Variants in IQSEC3 observed in about 807,000 individuals in gnomAD.
The protein encoded by IQSEC3 is IQ motif and Sec7 domain ArfGEF 3.
Under a neutral mutation model 105.4 loss-of-function variants are expected in IQSEC3, and 50 were observed. That is an observed-to-expected ratio of 0.47 (90% CI 0.38 to 0.60). The LOEUF is 0.60. Among genes scored for constraint, IQSEC3 ranks in the 20% least tolerant of loss-of-function variants. The probability of loss-of-function intolerance (pLI) is 0.00; values close to 1 mark genes in which losing one functional copy is unlikely to be tolerated. For missense variants in IQSEC3, 1,415 were observed against 1,630.0 expected (o/e 0.87, Z 2.27); for synonymous variants, 708 against 746.0 (o/e 0.95, Z 0.83).
At chr12:118,764 G>A (rs781379565) in intron 2 of IQSEC3, among the ~76,000 whole-genome samples, 1 of 152,174 alleles carries the variant, frequency 6.6e-6, no homozygotes, top group Non-Finnish European at 1.5e-5. Flanking sequence ...GCCGGGCCTC[G>A]GTCAGCACCT....
At chr12:78,186 G>C (rs1440072893) in intron 1 of IQSEC3, among the ~76,000 whole-genome samples, 3 of 150,914 alleles carry the variant, frequency 2.0e-5, no homozygotes, top group Non-Finnish European at 4.4e-5. Flanking sequence ...CCGGCGCAGG[G>C]CGCCGCCTCC....
chr12:135,917 C>A (rs1865749378), intron 3 of IQSEC3, among the ~76,000 whole-genome samples: 1 of 152,234 alleles, frequency 6.6e-6, no homozygotes, highest in South Asian at 2.1e-4. Flanking sequence ...GAGCAGATAA[C>A]CCAGATGAGC....
chr12:116,421 C>T (rs1406985332), intron 2 of IQSEC3, among the ~76,000 whole-genome samples: 4 of 152,190 alleles, frequency 2.6e-5, no homozygotes, highest in Admixed American at 6.5e-5. Context: ...AGTACCCTCT[C>T]CCAGCATCCC....
rs1939278231 is a variant in IQSEC3, at chr12:177,606, C to A, written c.*2573C>A. On this transcript the variant is annotated 3_prime_UTR_variant, in exon 14 of 14. Transcript: ENST00000538872. This position sits in a 1 kb window ranked among gnomAD's most constrained non-coding sequence, Gnocchi z 5.3. ...AGTATTCCGTGGAGCCAGTCCTGAGCTGGGAGGGGCATTTAACACCCCTGA... is the reference window on the plus strand; with the variant it reads ...AGTATTCCGTGGAGCCAGTCCTGAGATGGGAGGGGCATTTAACACCCCTGA... 1 of 152,306 alleles carries A rather than the reference C, an allele frequency of 6.6e-6. No homozygotes were observed. Among genetic ancestry groups the A allele is most frequent in the Non-Finnish European group, 1.5e-5 (1 of 68,146 alleles). 9.4% of individuals were successfully genotyped at this position (152,306 alleles called of 1,614,324 possible). A position where few individuals can be genotyped will look rare whatever the true frequency, so the allele number is the denominator to read the frequency against.
intron 2 of IQSEC3, 151 bp from the exon 3 acceptor site, chr12:125,482 C>T (rs1466306999): frequency 1.4e-6 from 1 of 736,124 alleles, no homozygotes; most frequent in Non-Finnish European, 2.0e-6. Flanking sequence ...CATGGTAGCC[C>T]CTCCCTAGAG....
chr12:131,682 T>C (rs1865606144), intron 3 of IQSEC3, among the ~76,000 whole-genome samples: 1 of 152,036 alleles, frequency 6.6e-6, no homozygotes, highest in East Asian at 1.9e-4. Flanking sequence ...ATGTCTTGCC[T>C]GTGATGGACA....
At chr12:165,938 A>G in intron 11 of IQSEC3, 48 bp downstream of exon 11, 1 of 1,597,516 alleles carries the variant, frequency 6.3e-7, no homozygotes, top group South Asian at 1.1e-5. Context: ...CCCATTCAGC[A>G]AGGGACAGGG....
intron 1 of IQSEC3, among the ~76,000 whole-genome samples, chr12:71,000 C>A (rs1591620203): frequency 1.3e-5 from 2 of 152,392 alleles, no homozygotes; most frequent in Non-Finnish European, 2.9e-5. Flanking sequence ...TCTCTCCCAT[C>A]TTCTCTTCCT....
chr12:170,024 C>G (rs1350062256), intron 12 of IQSEC3, among the ~76,000 whole-genome samples: 1 of 152,238 alleles, frequency 6.6e-6, no homozygotes, highest in Admixed American at 6.5e-5. Context: ...GCCCTGAGTC[C>G]TGACTTGGAA....
At chr12:125,209 T>A (rs73036114) in intron 2 of IQSEC3, among the ~76,000 whole-genome samples, 39,182 of 152,074 alleles carry the variant, frequency 0.26, 5,847 homozygotes, top group Non-Finnish European at 0.33. Flanking sequence ...CTTAAAGAGT[T>A]GTAAGTAACT....
intron 9 of IQSEC3, among the ~76,000 whole-genome samples, chr12:163,959 C>G (rs1221176038): frequency 6.6e-6 from 1 of 152,162 alleles, no homozygotes; most frequent in Non-Finnish European, 1.5e-5. Context: ...TGCCTCAGAC[C>G]CCAGGGCCTG....
In IQSEC3 at chr12:138,177, G is replaced by A. The variant is rs1324896635; in HGVS notation, c.904-90G>A. ...CCCCGTCCATTCCTGGGCCCCACCC[G>A]AGTGTGGCCGGGTGACTCCACCACT... On this transcript the variant is annotated intron_variant, in intron 3 of 13. Coordinates refer to ENST00000538872, the MANE Select transcript of IQSEC3 (RefSeq NM_001170738.2). This position sits in a 1 kb window ranked among gnomAD's most constrained non-coding sequence, Gnocchi z 7.1. The A allele has an allele frequency of 7.2e-6, 8 of 1,105,350 alleles. No homozygotes were observed. The highest frequency in any genetic ancestry group is 2.5e-5 in the East Asian group (1 of 39,458). The allele number at this position is 1,105,350 out of a possible 1,614,324, so 68.5% of individuals were successfully genotyped here. A position where few individuals can be genotyped will look rare whatever the true frequency, so the allele number is the denominator to read the frequency against.
intron 1 of IQSEC3, among the ~76,000 whole-genome samples, chr12:87,120 G>A (rs78532279): frequency 1.3e-3 from 203 of 152,214 alleles, no homozygotes; most frequent in African/African-American, 4.7e-3. Flanking sequence ...TCAGAAATCT[G>A]TAGTTTTGGC....
At chr12:156,486 G>A (rs2137038299) in intron 5 of IQSEC3, among the ~76,000 whole-genome samples, 1 of 152,036 alleles carries the variant, frequency 6.6e-6, no homozygotes, top group Admixed American at 6.5e-5. Flanking sequence ...CAGCTGTGGG[G>A]AGCTGGGGCA....
At chr12:108,694 C>A (rs1477955860) in intron 2 of IQSEC3, among the ~76,000 whole-genome samples, 4 of 152,246 alleles carry the variant, frequency 2.6e-5, no homozygotes, top group Non-Finnish European at 5.9e-5. Context: ...CTTGAGGAGG[C>A]AAGGGGCTGA....
At position 145,123 on chromosome 12, in the gene IQSEC3, A is replaced by G. The variant is rs1233377404; in HGVS notation, c.2153+3838A>G. On this transcript the variant is annotated intron_variant, in intron 5 of 13. Transcript: ENST00000538872. ...GCTGGAATTACAGGCATGAATCACT[A>G]GGCCCAGCCTGTTTGTTTTTAGAGA... 2.0e-5 allele frequency among the ~76,000 whole-genome samples: 3 copies of G among 152,220 alleles called. No individual in the cohort carries two copies. In the East Asian group the frequency reaches 5.8e-4, roughly 29 times the overall value.
rs756749343 is a variant in IQSEC3 at position 174,853 on chromosome 12, G to A, written c.3369G>A (p.Ser1123=). The change falls in exon 14 of 14, where the codon TCG becomes TCA. Residue 1123 remains serine, a synonymous_variant. Coordinates refer to ENST00000538872, the MANE Select transcript of IQSEC3 (RefSeq NM_001170738.2). ...LLSQALSCYT[S]SSSDSCGSTP... is the part of the protein sequence containing the mutation. ...GCCAGGCTCTCTCCTGCTACACCTCGTCGTCCTCTGACTCCTGCGGCTCCA... is the reference window on the plus strand; with the variant it reads ...GCCAGGCTCTCTCCTGCTACACCTCATCGTCCTCTGACTCCTGCGGCTCCA... 7 of 1,579,122 alleles carry A rather than the reference G, an allele frequency of 4.4e-6. No homozygotes were observed. Among genetic ancestry groups the A allele is most frequent in the African/African-American group, 1.3e-5 (1 of 74,404 alleles).
intron 1 of IQSEC3, among the ~76,000 whole-genome samples, chr12:76,974 T>C (rs1252051496): frequency 6.6e-6 from 1 of 152,258 alleles, no homozygotes; most frequent in Non-Finnish European, 1.5e-5. Context: ...CCACAATTTC[T>C]TCCTTGATGA....
chr12:96,370 GT>G lies in IQSEC3; in HGVS notation c.555-2771del, dbSNP rs1470412492. Among the ~76,000 whole-genome samples the G allele has an allele frequency of 3.3e-4, 51 of 152,262 alleles. 1 individual carries two copies. Among genetic ancestry groups the G allele is most frequent in the African/African-American group, 1.2e-3 (50 of 41,546 alleles). ...AGGCTTCAGAGAGAATAGATTATAAGTTTTTCTTATCAGACTTAAAAAGGTG... is the reference window on the plus strand; with the variant it reads ...AGGCTTCAGAGAGAATAGATTATAAGTTTTCTTATCAGACTTAAAAAGGTG... On this transcript the variant is annotated intron_variant, in intron 1 of 13. Transcript: ENST00000538872.
Sources: allele counts gnomAD v4.1 joint callset (sites outside exome capture counted in the v4.1 genomes callset), GRCh38; gene constraint gnomAD v4.1.1; non-coding constraint Gnocchi (gnomAD v3.1); transcripts MANE v1.5; gene names NCBI Gene and HGNC (gene_info 2026-07-23, HGNC 2026-07-21).